Variants in BNIP3L observed in about 807,000 individuals in gnomAD.
BNIP3L encodes BCL2/adenovirus E1B 19 kDa protein-interacting protein 3-like.
Under a neutral mutation model 25.5 loss-of-function variants are expected in BNIP3L, and 10 were observed. The ratio of observed to expected loss-of-function variants is 0.39; its 90% CI spans 0.24 to 0.67. BNIP3L has a LOEUF of 0.67. Ranked by LOEUF, BNIP3L falls within the 30% of genes least tolerant of loss-of-function variation. The pLI is 0.45. For missense variants in BNIP3L, 215 were observed against 270.9 expected, an observed-to-expected ratio of 0.79 and a Z score of 1.45; for synonymous variants, 113 against 101.2, an observed-to-expected ratio of 1.12 and a Z score of -0.70.
At chr8:26,385,077 GCTT>G (rs1339234191) in intron 1 of BNIP3L, among the ~76,000 whole-genome samples, 101 of 151,962 alleles carry the variant, frequency 6.6e-4, no homozygotes, top group Non-Finnish European at 8.8e-5. Context: ...CATCGCACCG[GCTT>G]CTTTTCAGTG....
chr8:26,399,593 A>G (rs1806323295), intron 3 of BNIP3L, among the ~76,000 whole-genome samples: 1 of 38,056 alleles, frequency 2.6e-5, no homozygotes, highest in Non-Finnish European at 5.0e-5. Context: ...GAAGGAAATA[A>G]AGGGTATTCA....
chr8:26,394,095 G>T (rs1563339358), intron 2 of BNIP3L, among the ~76,000 whole-genome samples: 1 of 152,020 alleles, frequency 6.6e-6, no homozygotes, highest in Non-Finnish European at 1.5e-5. Flanking sequence ...TTTGGGGGAG[G>T]GTTTGTGTAT....
chr8:26,408,445 G>T (rs1806547462), intron 5 of BNIP3L, 69 bp downstream of exon 5: 1 of 1,500,020 alleles, frequency 6.7e-7, no homozygotes, highest in Admixed American at 2.1e-5. Context: ...TTGAAGAAAT[G>T]TATGTGAAAG....
At chr8:26,406,553 C>T (rs978421464) in intron 3 of BNIP3L, among the ~76,000 whole-genome samples, 5 of 152,290 alleles carry the variant, frequency 3.3e-5, no homozygotes, top group South Asian at 4.1e-4. Context: ...GGTGCAGTGT[C>T]TCACACCTGT....
At chr8:26,383,274 G>C (rs1247815086) in intron 1 of BNIP3L, 44 bp downstream of exon 1, 2 of 1,574,028 alleles carry the variant, frequency 1.3e-6, no homozygotes, top group Non-Finnish European at 1.7e-6. Flanking sequence ...GGGGGAGGAG[G>C]AGCAGCCCCG....
At chr8:26,391,063 CA>C (rs138868339) in intron 1 of BNIP3L, among the ~76,000 whole-genome samples, 179 bp from the exon 2 acceptor site, 4,723 of 152,208 alleles carry the variant, frequency 0.031, 245 homozygotes, top group African/African-American at 0.11. Context: ...TGAGCTATTT[CA>C]GGAACAGAAC....
intron 1 of BNIP3L, among the ~76,000 whole-genome samples, chr8:26,385,918 GAACAA>G (rs1306054115): frequency 3.3e-5 from 5 of 152,126 alleles, no homozygotes; most frequent in Non-Finnish European, 7.3e-5. Flanking sequence ...ACACTGTACT[GAACAA>G]AACAAGAAGC....
chr8:26,409,864 A>G (rs973043769), intron 5 of BNIP3L, among the ~76,000 whole-genome samples: 2 of 152,230 alleles, frequency 1.3e-5, no homozygotes, highest in Admixed American at 6.5e-5. Flanking sequence ...TCTTGGCATG[A>G]AAAAGTATTA....
At chr8:26,383,654 G>A (rs1178488057) in intron 1 of BNIP3L, among the ~76,000 whole-genome samples, 2 of 149,810 alleles carry the variant, frequency 1.3e-5, no homozygotes, top group African/African-American at 2.4e-5. Context: ...CGCGGGAGCG[G>A]GGCGGGGCGG....
chr8:26,396,378 C>T (rs1328867150), intron 3 of BNIP3L, among the ~76,000 whole-genome samples: 141 of 73,460 alleles, frequency 1.9e-3, no homozygotes, highest in Admixed American at 3.8e-3. Context: ...ACACCTCACA[C>T]GGCAGGGTAT....
intron 1 of BNIP3L, among the ~76,000 whole-genome samples, chr8:26,383,920 G>A (rs543158524): frequency 6.6e-5 from 10 of 151,822 alleles, no homozygotes; most frequent in African/African-American, 2.4e-4. Flanking sequence ...TAAAGCGATG[G>A]GTTGTGCGCC....
chr8:26,385,818 G>C (rs770515329), intron 1 of BNIP3L, among the ~76,000 whole-genome samples: 1 of 152,300 alleles, frequency 6.6e-6, no homozygotes, highest in Non-Finnish European at 1.5e-5. Flanking sequence ...GTGGGATAGG[G>C]TGAGCTTTCT....
Position 26,383,647 on chromosome 8 carries a change from G to GGGAGC in BNIP3L, c.100+420_100+424dup, listed in dbSNP as rs1219281448. Among the ~76,000 whole-genome samples, 166 of 149,152 alleles carry GGGAGC rather than the reference G, an allele frequency of 1.1e-3. 2 individuals are homozygous for GGGAGC. Among genetic ancestry groups the GGGAGC allele is most frequent in the African/African-American group, 4.0e-3 (162 of 40,848 alleles). On this transcript the variant is annotated intron_variant, in intron 1 of 5. Transcript: ENST00000380629. ...CGGGGACGCCGGGGGATGGACGCGC[G>GGGAGC]GGAGCGGGGCGGGGCGGGCGGCTGC...
intron 3 of BNIP3L, among the ~76,000 whole-genome samples, chr8:26,399,166 C>T (rs1281701496): frequency 9.0e-6 from 1 of 110,914 alleles, no homozygotes; most frequent in Non-Finnish European, 1.8e-5. Context: ...CAAAAATCCT[C>T]AATAAAATAC....
At chr8:26,395,131 C>A in intron 2 of BNIP3L, 99 bp from the exon 3 acceptor site, 3 of 1,232,188 alleles carry the variant, frequency 2.4e-6, no homozygotes, top group South Asian at 2.9e-5. Flanking sequence ...TTTTTCAAAG[C>A]CATACTGCTG....
At chr8:26,402,739 G>T (rs1298056488) in intron 3 of BNIP3L, among the ~76,000 whole-genome samples, 1 of 152,050 alleles carries the variant, frequency 6.6e-6, no homozygotes, top group Admixed American at 6.6e-5. Context: ...TCCAGCCTGG[G>T]CAACATAGCA....
intron 3 of BNIP3L, among the ~76,000 whole-genome samples, chr8:26,404,137 C>G (rs796858540): frequency 7.2e-5 from 11 of 152,314 alleles, no homozygotes; most frequent in African/African-American, 2.6e-4. Flanking sequence ...GACCATGAAA[C>G]TGCTTTTCGG....
chr8:26,405,315 C>G (rs1035972873), intron 3 of BNIP3L, among the ~76,000 whole-genome samples: 2 of 152,176 alleles, frequency 1.3e-5, no homozygotes, highest in Non-Finnish European at 2.9e-5. Context: ...AACTGATGTG[C>G]AAGTAAATTG....
At chr8:26,388,558 A>G (rs1345317898) in intron 1 of BNIP3L, among the ~76,000 whole-genome samples, 2 of 152,182 alleles carry the variant, frequency 1.3e-5, no homozygotes, top group East Asian at 3.8e-4. Flanking sequence ...GATCACTTTT[A>G]CTAAGCTTTT....
Sources: allele counts gnomAD v4.1 joint callset (sites outside exome capture counted in the v4.1 genomes callset), GRCh38; gene constraint gnomAD v4.1.1; transcripts MANE v1.5; gene names NCBI Gene and HGNC (gene_info 2026-07-23, HGNC 2026-07-21).